The following SDR9C7 variants were observed in gnomAD, a reference collection of about 807,000 sequenced individuals.
SDR9C7 encodes short-chain dehydrogenase/reductase family 9C member 7.
SDR9C7 carries 11 observed loss-of-function variants against 23.6 expected under a neutral mutation model. The observed-to-expected ratio is 0.47, with a 90% confidence interval of 0.29 to 0.77. SDR9C7 has a LOEUF of 0.77. Among genes scored for constraint, SDR9C7 ranks in the 30% least tolerant of loss-of-function variants. SDR9C7 has a pLI of 0.09. For missense variants in SDR9C7, 387 were observed against 407.1 expected (o/e 0.95, Z 0.42); for synonymous variants, 167 against 157.3 (o/e 1.06, Z -0.46).
At chr12:56,926,005 C>T (rs1401741323) in intron 3 of SDR9C7, among the ~76,000 whole-genome samples, 3 of 152,150 alleles carry the variant, frequency 2.0e-5, no homozygotes, top group African/African-American at 2.4e-5. Context: ...TGCTGGGCAC[C>T]CTGCTAGGCA....
At chr12:56,932,788 G>A (rs186122311) in intron 1 of SDR9C7, among the ~76,000 whole-genome samples, 253 of 152,298 alleles carry the variant, frequency 1.7e-3, no homozygotes, top group African/African-American at 5.1e-3. Flanking sequence ...CTTGTCCCCA[G>A]GAAGCTTTAT....
intron 1 of SDR9C7, among the ~76,000 whole-genome samples, chr12:56,930,821 C>G (rs1485436063): frequency 6.6e-6 from 1 of 152,248 alleles, no homozygotes; most frequent in African/African-American, 2.4e-5. Context: ...CATCATACTT[C>G]TCCCTCTCTA....
intron 1 of SDR9C7, among the ~76,000 whole-genome samples, 190 bp downstream of exon 1, chr12:56,933,770 GA>G (rs974266002): frequency 1.3e-5 from 2 of 152,130 alleles, no homozygotes; most frequent in African/African-American, 2.4e-5. Flanking sequence ...ACTTCCTTGG[GA>G]AATCACCCCT....
At chr12:56,929,624 G>A (rs1565613552) in intron 2 of SDR9C7, 71 bp from the exon 3 acceptor site, 1 of 1,546,452 alleles carries the variant, frequency 6.5e-7, no homozygotes, top group East Asian at 2.3e-5. Context: ...CCTCTGGATG[G>A]GCTGGTCTTT....
intron 3 of SDR9C7, among the ~76,000 whole-genome samples, chr12:56,926,849 T>C (rs552519821): frequency 2.0e-5 from 3 of 152,322 alleles, no homozygotes; most frequent in Admixed American, 2.0e-4. Flanking sequence ...CCTTCAAAAC[T>C]CACTAAGGCA....
At chr12:56,932,402 G>T (rs1349626778) in intron 1 of SDR9C7, among the ~76,000 whole-genome samples, 1 of 152,192 alleles carries the variant, frequency 6.6e-6, no homozygotes, top group East Asian at 1.9e-4. Flanking sequence ...TGGAAAAGTC[G>T]ATGAGACGGA....
At position 56,934,031 on chromosome 12, in the gene SDR9C7, T is replaced by G; in HGVS notation, c.231A>C (p.Leu77=). The stretch of plus-strand genomic sequence containing the variant: ...TGCTTTCGCTCTTGGTGACATCCAG[T>G]AGGGTGGTCTGCAGCCGATAGGAGG... ...RDTSYRLQTT[L]LDVTKSESIK... is the part of the protein sequence containing the mutation. Residue 77 remains leucine (L), a synonymous_variant, in exon 1 of 4, where the codon CTA becomes CTC. Transcript: ENST00000293502. 1 of 1,614,198 alleles carries G rather than the reference T, an allele frequency of 6.2e-7. No homozygotes were observed. The highest frequency in any genetic ancestry group is 1.1e-5 in the South Asian group (1 of 91,084).
At position 56,923,976 on chromosome 12, in the gene SDR9C7, C is replaced by G. The variant is rs1384464587; in HGVS notation, c.799G>C (p.Ala267Pro). Reference protein sequence around the residue: ...VRDVINSMEHAIVSRSPRIRY... With the variant: ...VRDVINSMEHPIVSRSPRIRY... ...ATGCGAGGGCTCCGGGAAACAATAG[C>G]ATGCTCCATGCTGTTGATGACATCT... Residue 267 changes from alanine to proline, a missense_variant, in exon 4 of 4, where the codon GCT (alanine) becomes CCT (proline). Transcript: ENST00000293502. 6.2e-7 allele frequency: 1 copy of G among 1,614,028 alleles called. No homozygotes were observed. Among genetic ancestry groups the G allele is most frequent in the African/African-American group, 1.3e-5 (1 of 74,928 alleles).
intron 1 of SDR9C7, among the ~76,000 whole-genome samples, chr12:56,931,544 G>A (rs1456873759): frequency 6.6e-6 from 1 of 152,058 alleles, no homozygotes; most frequent in African/African-American, 2.4e-5. Context: ...GTCCAGTCCT[G>A]GTTTTACCTC....
intron 3 of SDR9C7, among the ~76,000 whole-genome samples, chr12:56,925,712 T>C (rs1955729235): frequency 6.6e-6 from 1 of 152,234 alleles, no homozygotes; most frequent in Admixed American, 6.5e-5. Context: ...CCCTGACCTC[T>C]GACCGTAGAG....
At chr12:56,926,551 T>C (rs570213647) in intron 3 of SDR9C7, among the ~76,000 whole-genome samples, 5 of 152,314 alleles carry the variant, frequency 3.3e-5, no homozygotes, top group African/African-American at 9.6e-5. Flanking sequence ...CAGACTATAA[T>C]GGCAATGGCA....
intron 1 of SDR9C7, among the ~76,000 whole-genome samples, chr12:56,933,249 T>G (rs779726008): frequency 1.3e-5 from 2 of 152,194 alleles, no homozygotes; most frequent in Non-Finnish European, 2.9e-5. Context: ...GGATCCAGCC[T>G]CCTGTCTCAT....
chr12:56,930,622 G>GACACACCTTCCTTTTAT, intron 1 of SDR9C7, 138 bp from the exon 2 acceptor site: 1 of 974,806 alleles, frequency 1.0e-6, no homozygotes, highest in Non-Finnish European at 1.5e-6. Flanking sequence ...TAACATAAAA[G>GACACACCTTCCTTTTAT]GAAGGTGTGT....
chr12:56,926,825 G>A (rs1955736996), intron 3 of SDR9C7, among the ~76,000 whole-genome samples: 2 of 152,180 alleles, frequency 1.3e-5, no homozygotes, highest in African/African-American at 4.8e-5. Context: ...CCCTTTTGGT[G>A]TACTCCTATT....
intron 3 of SDR9C7, among the ~76,000 whole-genome samples, chr12:56,928,551 C>T (rs78195265): frequency 0.036 from 5,539 of 152,314 alleles, 134 homozygotes; most frequent in Middle Eastern, 0.075. Flanking sequence ...CTGCTGTGTC[C>T]GCTCCAGCTC....
chr12:56,928,117 T>C (rs1817790911), intron 3 of SDR9C7, among the ~76,000 whole-genome samples: 1 of 152,240 alleles, frequency 6.6e-6, no homozygotes, highest in South Asian at 2.1e-4. Flanking sequence ...CTTCAAGCTG[T>C]AAAGCTAACA....
intron 3 of SDR9C7, among the ~76,000 whole-genome samples, chr12:56,928,302 G>T (rs769618176): frequency 2.6e-5 from 4 of 151,974 alleles, no homozygotes; most frequent in Non-Finnish European, 4.4e-5. Context: ...AAGTCCCTAC[G>T]CATCCCCTCT....
At chr12:56,930,608 G>A in intron 1 of SDR9C7, 124 bp from the exon 2 acceptor site, 1 of 1,073,140 alleles carries the variant, frequency 9.3e-7, no homozygotes, top group Non-Finnish European at 1.3e-6. Context: ...ACTCGGTCAG[G>A]CTATAACATA....
Position 56,930,116 on chromosome 12 carries a change from T to C in SDR9C7, c.560+110A>G, listed in dbSNP as rs370655662. On this transcript the variant is annotated intron_variant, in intron 2 of 3. Coordinates refer to ENST00000293502, the MANE Select transcript of SDR9C7 (RefSeq NM_148897.3). ...TGAGGTCTAACCTTCCTTCTGCTAT[T>C]GTGTTAGCTTCCTGTCTGCGGAATT... is the stretch of plus-strand genomic sequence containing the variant. 3.9e-5 allele frequency: 50 copies of C among 1,289,018 alleles called. 1 individual carries two copies. Among genetic ancestry groups the C allele is most frequent in the East Asian group, 1.2e-4 (5 of 43,090 alleles). The allele number at this position is 1,289,018 out of a possible 1,614,324, so 79.8% of individuals were successfully genotyped here. A position where few individuals can be genotyped will look rare whatever the true frequency, so the allele number is the denominator to read the frequency against.
Sources: gnomAD v4.1 joint callset for allele counts (sites outside exome capture counted in the v4.1 genomes callset) on GRCh38, gnomAD v4.1.1 for gene constraint, MANE v1.5 for transcripts, NCBI Gene and HGNC (gene_info 2026-07-23, HGNC 2026-07-21) for gene names.